The following TMPRSS11D variants were observed in gnomAD, a reference collection of about 807,000 sequenced individuals.
TMPRSS11D encodes the protein transmembrane serine protease 11D, also known as transmembrane protease serine 11D.
Under a neutral mutation model 44.4 loss-of-function variants are expected in TMPRSS11D, and 32 were observed. The observed-to-expected ratio is 0.72, with a 90% CI of 0.54 to 0.97. The LOEUF (loss-of-function observed/expected upper bound fraction) is 0.97, where lower values mean the gene tolerates loss of function less well. Among genes scored for constraint, TMPRSS11D ranks in the 50% least tolerant of loss-of-function variants. The pLI is 0.00. For synonymous variants in TMPRSS11D, 179 were observed against 177.9 expected, an observed-to-expected ratio of 1.01 and a Z score of -0.05; for missense variants, 446 against 502.6, an observed-to-expected ratio of 0.89 and a Z score of 1.08.
Position 67,825,865 on chromosome 4 carries a change from A to G in TMPRSS11D, c.962T>C (p.Val321Ala), listed in dbSNP as rs568668628. 4 of 1,611,320 alleles carry G rather than the reference A, an allele frequency of 2.5e-6. No homozygotes were observed. The highest frequency in any genetic ancestry group is 4.5e-5 in the East Asian group (2 of 44,842). ...WGAQEYAGHT[V>A]PELRQGQVRI... ...GACCTGTCCTTGCCTTAGCTCTGGA[A>G]CTGTGTGGCCTGTTTGTTATAAAAG... is the stretch of plus-strand genomic sequence containing the variant. The change falls in exon 9 of 10, where the codon GTT becomes GCT. Residue 321 changes from valine (V) to alanine (A), a missense_variant. Physicochemically the swap from Val to Ala is moderately conservative, Grantham distance 64. Transcript: ENST00000283916.
chr4:67,859,493 G>T lies in TMPRSS11D; in HGVS notation c.130+64C>A, dbSNP rs911184681. The T allele has an allele frequency of 7.1e-6, 11 of 1,542,548 alleles. No individual in the cohort carries two copies. The Admixed American group carries it at 7.6e-5, about 11-fold the overall frequency. ...AGCCATAGTAAAAGAAAGAATGCCA[G>T]ACTTTAAATCTGAAATTGTATGTAG... On this transcript the variant is annotated intron_variant, in intron 2 of 9. Transcript: ENST00000283916.
At chr4:67,855,764 C>G (rs1451746221) in intron 2 of TMPRSS11D, among the ~76,000 whole-genome samples, 2 of 151,938 alleles carry the variant, frequency 1.3e-5, no homozygotes, top group Non-Finnish European at 2.9e-5. Flanking sequence ...TCAAATTGTC[C>G]CTTTTGCAGA....
intron 1 of TMPRSS11D, among the ~76,000 whole-genome samples, chr4:67,862,166 C>A (rs1451348366): frequency 3.3e-5 from 5 of 151,986 alleles, no homozygotes; most frequent in Admixed American, 6.6e-5. Flanking sequence ...GAAAATTTAT[C>A]TTTTTATACT....
intron 3 of TMPRSS11D, among the ~76,000 whole-genome samples, chr4:67,848,358 A>G (rs1298401319): frequency 2.0e-5 from 3 of 152,178 alleles, no homozygotes; most frequent in African/African-American, 7.2e-5. Context: ...TTATTTCTAA[A>G]TGGCCTCATT....
intron 1 of TMPRSS11D, among the ~76,000 whole-genome samples, chr4:67,874,493 A>G (rs1719136767): frequency 6.6e-6 from 1 of 152,160 alleles, no homozygotes; most frequent in African/African-American, 2.4e-5. Context: ...TTCTTGCTCC[A>G]AATGTGTGCA....
rs771053772 is a variant in TMPRSS11D, at chr4:67,883,882, T to C, written c.8+44A>G. 2.6e-6 allele frequency: 4 copies of C among 1,528,684 alleles called. No homozygotes were observed. The African/African-American group carries it at 5.6e-5, about 21-fold the overall frequency. 94.7% of individuals were successfully genotyped at this position (1,528,684 alleles called of 1,614,324 possible). On this transcript the variant is annotated intron_variant, in intron 1 of 9. Coordinates refer to ENST00000283916, the MANE Select transcript of TMPRSS11D (RefSeq NM_004262.3). ...TTTATATTTTTCCCATACTGTAAGA[T>C]ATAGTAAAACTTTTAAAGCTACAAA...
chr4:67,844,098 G>C (rs538150059), intron 3 of TMPRSS11D, among the ~76,000 whole-genome samples: 9 of 152,160 alleles, frequency 5.9e-5, no homozygotes, highest in Admixed American at 1.3e-4. Context: ...GATGTATTGT[G>C]GTTTCATTGA....
chr4:67,882,958 A>G (rs1254939816), intron 1 of TMPRSS11D, among the ~76,000 whole-genome samples: 1 of 152,030 alleles, frequency 6.6e-6, no homozygotes, highest in African/African-American at 2.4e-5. Flanking sequence ...TATTACATGA[A>G]TATGAAATGA....
intron 1 of TMPRSS11D, among the ~76,000 whole-genome samples, chr4:67,866,933 A>C (rs1718938390): frequency 6.6e-6 from 1 of 152,056 alleles, no homozygotes; most frequent in African/African-American, 2.4e-5. Context: ...ATTCAATTAA[A>C]TCCCTATCAC....
intron 8 of TMPRSS11D, among the ~76,000 whole-genome samples, chr4:67,826,554 A>G (rs1296468801): frequency 6.6e-6 from 1 of 152,114 alleles, no homozygotes; most frequent in Non-Finnish European, 1.5e-5. Context: ...CAATAAACAA[A>G]TATGACCAAT....
chr4:67,821,617 T>G lies in TMPRSS11D; in HGVS notation c.*720A>C, dbSNP rs558309311. 1 of 152,278 alleles carries G rather than the reference T, an allele frequency of 6.6e-6. No individual in the cohort carries two copies. The highest frequency in any genetic ancestry group is 2.4e-5 in the African/African-American group (1 of 41,560). The allele number at this position is 152,278 out of a possible 1,614,324, so 9.4% of individuals were successfully genotyped here. The stretch of plus-strand genomic sequence containing the variant: ...TAAAATAGATATAGTCTCTCCTTTA[T>G]GTAGATGAGTGATATTTTTCATGGG... On this transcript the variant is annotated 3_prime_UTR_variant, in exon 10 of 10. Transcript: ENST00000283916.
chr4:67,838,160 A>G lies in TMPRSS11D; in HGVS notation c.475+12T>C. On this transcript the variant is annotated intron_variant, in intron 5 of 9. Transcript: ENST00000283916. ...TATTGAAATAAAATTGTTTATGAAA[A>G]ATTATACTTACATGTTATCTCAGTT... 1 of 1,493,320 alleles carries G rather than the reference A, an allele frequency of 6.7e-7. No homozygotes were observed. 92.5% of individuals were successfully genotyped at this position (1,493,320 alleles called of 1,614,324 possible). A position where few individuals can be genotyped will look rare whatever the true frequency, so the allele number is the denominator to read the frequency against.
At chr4:67,838,634 T>A (rs1256703190) in intron 4 of TMPRSS11D, among the ~76,000 whole-genome samples, 1 of 152,086 alleles carries the variant, frequency 6.6e-6, no homozygotes, top group African/African-American at 2.4e-5. Context: ...TATCTAAGTT[T>A]CTTCACATGT....
intron 4 of TMPRSS11D, among the ~76,000 whole-genome samples, chr4:67,840,512 G>A (rs990568922): frequency 1.3e-5 from 2 of 152,118 alleles, no homozygotes; most frequent in African/African-American, 4.8e-5. Flanking sequence ...ACAAGTGACT[G>A]TATTTGAAAT....
At chr4:67,865,111 T>C (rs1454711444) in intron 1 of TMPRSS11D, among the ~76,000 whole-genome samples, 1 of 151,836 alleles carries the variant, frequency 6.6e-6, no homozygotes, top group Non-Finnish European at 1.5e-5. Context: ...GATCATATAT[T>C]AGGCCACAAA....
chr4:67,830,136 A>G (rs1717909488), intron 7 of TMPRSS11D, among the ~76,000 whole-genome samples: 1 of 152,124 alleles, frequency 6.6e-6, no homozygotes, highest in Admixed American at 6.6e-5. Flanking sequence ...GAATTGAGTG[A>G]AAACAGTAAG....
rs1321137042 is a variant in TMPRSS11D at position 67,822,384 on chromosome 4, G to C, written c.1210C>G (p.Arg404Gly). 6.2e-7 allele frequency: 1 copy of C among 1,613,764 alleles called. No individual in the cohort carries two copies. Among genetic ancestry groups the C allele is most frequent in the Non-Finnish European group, 8.5e-7 (1 of 1,179,842 alleles). Reference protein sequence around the residue: ...GLPDKPGVYTRVTAYLDWIRQ... With the variant: ...GLPDKPGVYTGVTAYLDWIRQ... ...ATCCAGTCAAGGTAGGCTGTCACTC[G>C]AGTATACACTCCTGGCTTATCCGGC... The change falls in exon 10 of 10, where the codon CGA (arginine) becomes GGA (glycine). Residue 404 changes from arginine to glycine, a missense_variant. Arg to Gly is a moderately radical substitution (Grantham distance 125, BLOSUM62 -2). Transcript: ENST00000283916.
rs149823944 is a variant in TMPRSS11D, at chr4:67,837,383, C to T, written c.475+789G>A. ...CAGGGGCAGTGGATTTGAAACATCT[C>T]GGAAGACAACTTTGTGGGCCTGATG... On this transcript the variant is annotated intron_variant, in intron 5 of 9. Coordinates refer to ENST00000283916, the MANE Select transcript of TMPRSS11D (RefSeq NM_004262.3). 2.0e-3 allele frequency among the ~76,000 whole-genome samples: 309 copies of T among 152,164 alleles called. 1 individual carries two copies. Among genetic ancestry groups the T allele is most frequent in the African/African-American group, 5.5e-3 (228 of 41,540 alleles).
At chr4:67,870,573 G>C (rs1719032708) in intron 1 of TMPRSS11D, among the ~76,000 whole-genome samples, 1 of 152,004 alleles carries the variant, frequency 6.6e-6, no homozygotes, top group Non-Finnish European at 1.5e-5. Context: ...CCAGCACTTG[G>C]GGAGGCTGAG....
Sources: gnomAD v4.1 joint callset for allele counts (sites outside exome capture counted in the v4.1 genomes callset) on GRCh38, gnomAD v4.1.1 for gene constraint, MANE v1.5 for transcripts, NCBI Gene and HGNC (gene_info 2026-07-23, HGNC 2026-07-21) for gene names.